The following MACROD2 variants were observed in gnomAD, a reference collection of about 807,000 sequenced individuals.
The protein encoded by MACROD2 is ADP-ribose glycohydrolase MACROD2.
Under a neutral mutation model 70.4 loss-of-function variants are expected in MACROD2, and 36 were observed. The ratio of observed to expected loss-of-function variants is 0.51; its 90% CI spans 0.39 to 0.68. MACROD2 has a LOEUF of 0.68. MACROD2 is among the 30% of genes least tolerant of loss of function. MACROD2 has a pLI of 0.00. For synonymous variants in MACROD2, 172 were observed against 178.8 expected (o/e 0.96, Z 0.30); for missense variants, 496 against 538.4 (o/e 0.92, Z 0.78).
intron 4 of MACROD2, among the ~76,000 whole-genome samples, chr20:14,528,242 T>C (rs2085257339): frequency 6.6e-6 from 1 of 151,578 alleles, no homozygotes; most frequent in Non-Finnish European, 1.5e-5. Flanking sequence ...CCCAAGTAGC[T>C]GGGATTACAG....
At chr20:15,200,178 GA>G (rs2145927172) in intron 5 of MACROD2, among the ~76,000 whole-genome samples, 2 of 152,190 alleles carry the variant, frequency 1.3e-5, no homozygotes, top group South Asian at 4.2e-4. Context: ...AGTTGAAGAA[GA>G]AAAAAACTGG....
rs386393390 is a variant in MACROD2 at position 15,050,533 on chromosome 20, C to CTTTTTTTT, written c.419-179388_419-179381dup. On this transcript the variant is annotated intron_variant, in intron 5 of 17. Transcript: ENST00000684519. ...GTCTTTTTACACTTTCTATTTAGGT[C>CTTTTTTTT]TTTTTTTTTTTTTTTTTTTTTTTTT... Among the ~76,000 whole-genome samples, 136 of 77,900 alleles carry CTTTTTTTT rather than the reference C, an allele frequency of 1.7e-3. 25 individuals are homozygous for CTTTTTTTT. The highest frequency in any genetic ancestry group is 7.3e-3 in the African/African-American group (117 of 16,050). The allele number at this position is 77,900 out of a possible 152,430, so 51.1% of individuals were successfully genotyped here.
intron 15 of MACROD2, among the ~76,000 whole-genome samples, chr20:15,991,402 A>G (rs2066557176): frequency 6.6e-6 from 1 of 152,200 alleles, no homozygotes; most frequent in Admixed American, 6.5e-5. Flanking sequence ...GGATTCTTAC[A>G]TCACTGGCAG....
At chr20:14,658,059 T>C (rs1986058732) in intron 4 of MACROD2, among the ~76,000 whole-genome samples, 1 of 152,208 alleles carries the variant, frequency 6.6e-6, no homozygotes. Flanking sequence ...AGTTAAGCCT[T>C]ATTTAAAGTA....
At chr20:14,632,507 G>T (rs1984570515) in intron 4 of MACROD2, among the ~76,000 whole-genome samples, 1 of 152,000 alleles carries the variant, frequency 6.6e-6, no homozygotes, top group South Asian at 2.1e-4. Flanking sequence ...ATAATGATAA[G>T]GGTTCTTTTC....
intron 5 of MACROD2, among the ~76,000 whole-genome samples, chr20:14,800,114 G>T (rs746422779): frequency 1.3e-5 from 2 of 151,104 alleles, no homozygotes; most frequent in Non-Finnish European, 2.9e-5. Flanking sequence ...TAGGAGGAAG[G>T]CACCTAAATA....
chr20:14,318,341 A>G (rs2082630803), intron 3 of MACROD2, among the ~76,000 whole-genome samples: 3 of 152,196 alleles, frequency 2.0e-5, no homozygotes, highest in Admixed American at 1.3e-4. Context: ...CCGTGGCTGC[A>G]TGCTTCCTTT....
At chr20:14,279,728 C>T (rs760656868) in intron 3 of MACROD2, among the ~76,000 whole-genome samples, 2 of 152,132 alleles carry the variant, frequency 1.3e-5, no homozygotes, top group Admixed American at 1.3e-4. Flanking sequence ...TTACAAGACA[C>T]ATGTATGTAA....
intron 8 of MACROD2, among the ~76,000 whole-genome samples, chr20:15,699,467 T>C (rs749797952): frequency 2.0e-5 from 3 of 152,202 alleles, no homozygotes; most frequent in Non-Finnish European, 4.4e-5. Context: ...GCACCTGTTC[T>C]GCTGGAGGTG....
At position 14,162,876 on chromosome 20, in the gene MACROD2, G is replaced by T. The variant is rs543369539; in HGVS notation, c.271+77148G>T. ...AATATTTAATCCATTTACATTCAAG[G>T]TTGCTATTGATATATGAGGCCTTAT... On this transcript the variant is annotated intron_variant, in intron 3 of 17. Transcript: ENST00000684519. Among the ~76,000 whole-genome samples, 76 of 151,884 alleles carry T rather than the reference G, an allele frequency of 5.0e-4. 1 individual carries two copies. Among genetic ancestry groups the T allele is most frequent in the South Asian group, 2.1e-4 (1 of 4,788 alleles).
chr20:15,598,092 G>A (rs1468495188), intron 8 of MACROD2, among the ~76,000 whole-genome samples: 1 of 152,084 alleles, frequency 6.6e-6, no homozygotes, highest in Non-Finnish European at 1.5e-5. Flanking sequence ...AAAAATAAAA[G>A]AGTTGAGGTA....
intron 3 of MACROD2, among the ~76,000 whole-genome samples, chr20:14,307,294 T>C (rs2082529084): frequency 6.6e-6 from 1 of 152,114 alleles, no homozygotes; most frequent in Non-Finnish European, 1.5e-5. Context: ...AGAAAAGGAA[T>C]CTGAATGTTG....
At chr20:14,603,203 T>G (rs1982601806) in intron 4 of MACROD2, among the ~76,000 whole-genome samples, 1 of 152,092 alleles carries the variant, frequency 6.6e-6, no homozygotes, top group Admixed American at 6.6e-5. Context: ...GCTTGAAGAG[T>G]TTTTACATCT....
intron 3 of MACROD2, among the ~76,000 whole-genome samples, chr20:14,250,916 G>T (rs979880489): frequency 2.6e-5 from 4 of 151,258 alleles, no homozygotes; most frequent in African/African-American, 9.7e-5. Flanking sequence ...ATTTTTTTTT[G>T]TTATGGTTCC....
chr20:15,145,099 A>T (rs1217822224), intron 5 of MACROD2, among the ~76,000 whole-genome samples: 1 of 152,150 alleles, frequency 6.6e-6, no homozygotes, highest in African/African-American at 2.4e-5. Flanking sequence ...GGAGTCTGTG[A>T]TGTAGCCTAG....
chr20:14,966,572 T>C (rs958622466), intron 5 of MACROD2, among the ~76,000 whole-genome samples: 1 of 152,192 alleles, frequency 6.6e-6, no homozygotes, highest in Non-Finnish European at 1.5e-5. Flanking sequence ...CAAGAACCTG[T>C]CTTCAGATGC....
intron 5 of MACROD2, among the ~76,000 whole-genome samples, chr20:14,829,215 C>T (rs577548975): frequency 2.0e-5 from 3 of 146,578 alleles, no homozygotes; most frequent in East Asian, 4.0e-4. Flanking sequence ...CTGCAATCTT[C>T]GCCTCCCGGG....
intron 2 of MACROD2, among the ~76,000 whole-genome samples, chr20:14,039,241 A>C (rs968924852): frequency 2.6e-5 from 4 of 152,148 alleles, no homozygotes; most frequent in Admixed American, 6.5e-5. Context: ...CATCCTAGAG[A>C]CCATGAAGGT....
chr20:15,268,051 G>A (rs2077312496), intron 6 of MACROD2, among the ~76,000 whole-genome samples: 1 of 152,198 alleles, frequency 6.6e-6, no homozygotes, highest in Non-Finnish European at 1.5e-5. Flanking sequence ...AACAACATCA[G>A]TAGGTGGCAG....
Sources: gnomAD v4.1 joint callset for allele counts (sites outside exome capture counted in the v4.1 genomes callset) on GRCh38, gnomAD v4.1.1 for gene constraint, MANE v1.5 for transcripts, NCBI Gene and HGNC (gene_info 2026-07-23, HGNC 2026-07-21) for gene names.